Variants in SLC25A26 observed in about 807,000 individuals in gnomAD.
SLC25A26 encodes solute carrier family 25 member 26.
SLC25A26 carries 36 observed loss-of-function variants against 37.8 expected under a neutral mutation model. The ratio of observed to expected loss-of-function variants is 0.95; its 90% CI spans 0.73 to 1.26. The LOEUF (loss-of-function observed/expected upper bound fraction) is 1.26. Among genes scored for constraint, SLC25A26 ranks in the 50% most tolerant of loss-of-function variants. The pLI is 0.00. For synonymous variants in SLC25A26, 129 were observed against 122.5 expected (o/e 1.05, Z -0.35); for missense variants, 390 against 331.1 (o/e 1.18, Z -1.38).
chr3:66,193,275 C>A (rs923011505), intron 1 of SLC25A26, among the ~76,000 whole-genome samples: 13 of 151,998 alleles, frequency 8.6e-5, no homozygotes, highest in Admixed American at 1.3e-4. Flanking sequence ...AAATAATATA[C>A]CAAAAGAATA....
intron 9 of SLC25A26, among the ~76,000 whole-genome samples, chr3:66,374,001 C>A (rs1049030942): frequency 6.7e-6 from 1 of 150,130 alleles, no homozygotes; most frequent in African/African-American, 2.5e-5. Flanking sequence ...GCTTGCTTGT[C>A]ATGGAGGCTT....
At chr3:66,209,792 T>TAC (rs1164093754) in intron 1 of SLC25A26, among the ~76,000 whole-genome samples, 1 of 134,618 alleles carries the variant, frequency 7.4e-6, no homozygotes, top group Non-Finnish European at 1.6e-5. Flanking sequence ...TATATATATA[T>TAC]ACACACCTAT....
chr3:66,159,005 A>T (rs751444548), intron 1 of SLC25A26, among the ~76,000 whole-genome samples: 1 of 152,170 alleles, frequency 6.6e-6, no homozygotes, highest in Non-Finnish European at 1.5e-5. Context: ...CAGGGACAGC[A>T]TTGCCACATG....
rs565749867 is a variant in SLC25A26 at position 66,346,526 on chromosome 3, A to C, written c.498+118A>C. On this transcript the variant is annotated intron_variant, in intron 6 of 9. Transcript: ENST00000354883. The stretch of plus-strand genomic sequence containing the variant: ...AGTTCAGCAACTCAAACCTATTAGC[A>C]GTTGAAAATATATTTTATGTGTGAT... 1.4e-5 allele frequency: 7 copies of C among 494,574 alleles called. No individual in the cohort carries two copies. The Admixed American group carries it at 3.0e-4, about 21-fold the overall frequency. 30.6% of individuals were successfully genotyped at this position (494,574 alleles called of 1,614,324 possible). A position where few individuals can be genotyped will look rare whatever the true frequency, so the allele number is the denominator to read the frequency against.
chr3:66,209,028 C>A (rs1267057509), intron 1 of SLC25A26, among the ~76,000 whole-genome samples: 138 of 26,556 alleles, frequency 5.2e-3, no homozygotes, highest in African/African-American at 6.3e-3. Flanking sequence ...ATATACACAC[C>A]CATATAAAGG....
intron 5 of SLC25A26, among the ~76,000 whole-genome samples, chr3:66,318,690 G>A (rs573895716): frequency 1.9e-4 from 29 of 151,374 alleles, no homozygotes; most frequent in Middle Eastern, 3.4e-3. Context: ...AGACAGGCTC[G>A]GAGACTCTGT....
intron 7 of SLC25A26, among the ~76,000 whole-genome samples, chr3:66,365,510 G>C (rs1232322883): frequency 6.6e-6 from 1 of 152,146 alleles, no homozygotes; most frequent in Non-Finnish European, 1.5e-5. Context: ...TGCAGCCTAA[G>C]TAATTATGAC....
intron 6 of SLC25A26, among the ~76,000 whole-genome samples, chr3:66,352,076 C>G (rs1200487523): frequency 6.6e-6 from 1 of 151,898 alleles, no homozygotes. Flanking sequence ...TAGACTCCAT[C>G]TCTACAAAAA....
chr3:66,370,303 G>A (rs1265741775), intron 8 of SLC25A26, among the ~76,000 whole-genome samples: 2 of 152,210 alleles, frequency 1.3e-5, no homozygotes, highest in African/African-American at 4.8e-5. Flanking sequence ...GCTCTGATAA[G>A]CAGCCACCTG....
chr3:66,161,752 G>C (rs1298205475), intron 1 of SLC25A26, among the ~76,000 whole-genome samples: 1 of 152,118 alleles, frequency 6.6e-6, no homozygotes, highest in Non-Finnish European at 1.5e-5. Context: ...TGATATCCCA[G>C]GTATTCAGGT....
In SLC25A26 at chr3:66,374,565, G is replaced by T. The variant is rs181162038; in HGVS notation, c.708-3125G>T. 2.0e-5 allele frequency among the ~76,000 whole-genome samples: 3 copies of T among 152,272 alleles called. No homozygotes were observed. In the East Asian group the frequency reaches 5.8e-4, roughly 29 times the overall value. Reference sequence around the variant, plus strand: ...TGGCCTCTAAGTGTTGAAGTGAAAGGAAGAATCACACCTTTCTCATTTTAA... The same window carrying T: ...TGGCCTCTAAGTGTTGAAGTGAAAGTAAGAATCACACCTTTCTCATTTTAA... On this transcript the variant is annotated intron_variant, in intron 9 of 9. Coordinates refer to ENST00000354883, the MANE Select transcript of SLC25A26 (RefSeq NM_001379210.1).
intron 5 of SLC25A26, among the ~76,000 whole-genome samples, chr3:66,342,421 G>A (rs1412733594): frequency 1.3e-5 from 2 of 151,966 alleles, no homozygotes; most frequent in African/African-American, 2.4e-5. Flanking sequence ...AAATATATTG[G>A]TATTGTAATG....
chr3:66,228,559 T>A (rs1214223374), intron 1 of SLC25A26, among the ~76,000 whole-genome samples: 1 of 152,220 alleles, frequency 6.6e-6, no homozygotes, highest in East Asian at 1.9e-4. Context: ...CAGATACATT[T>A]GTTGGCCTTT....
At chr3:66,310,026 G>A (rs984711580) in intron 5 of SLC25A26, among the ~76,000 whole-genome samples, 1 of 152,192 alleles carries the variant, frequency 6.6e-6, no homozygotes, top group South Asian at 2.1e-4. Context: ...CCCTCGGTCC[G>A]GAGCTGAGTC....
intron 5 of SLC25A26, among the ~76,000 whole-genome samples, chr3:66,295,856 C>T (rs1245891776): frequency 1.3e-5 from 2 of 151,870 alleles, no homozygotes; most frequent in African/African-American, 2.4e-5. Context: ...CACGGTGGCT[C>T]ACGCCTGTAA....
intron 5 of SLC25A26, among the ~76,000 whole-genome samples, chr3:66,270,506 T>C (rs2073921365): frequency 6.6e-6 from 1 of 152,210 alleles, no homozygotes; most frequent in South Asian, 2.1e-4. Flanking sequence ...AAGTTGTCCA[T>C]TGTTTTATTA....
chr3:66,230,114 T>C (rs1030990658), intron 1 of SLC25A26, among the ~76,000 whole-genome samples: 12 of 152,240 alleles, frequency 7.9e-5, no homozygotes, highest in Non-Finnish European at 1.5e-4. Context: ...CAAAGTGTTA[T>C]CTCATCATCC....
chr3:66,295,242 G>C (rs1380954168), intron 5 of SLC25A26, among the ~76,000 whole-genome samples: 2 of 150,144 alleles, frequency 1.3e-5, no homozygotes, highest in African/African-American at 5.0e-5. Flanking sequence ...TGTTTTTTTT[G>C]AGACGGAGTC....
At chr3:66,244,083 A>G (rs2072713981) in intron 3 of SLC25A26, among the ~76,000 whole-genome samples, 1 of 152,134 alleles carries the variant, frequency 6.6e-6, no homozygotes, top group South Asian at 2.1e-4. Context: ...GCCCTATACA[A>G]ACTGCTTAAT....
Sources: gnomAD v4.1 joint callset for allele counts (sites outside exome capture counted in the v4.1 genomes callset) on GRCh38, gnomAD v4.1.1 for gene constraint, MANE v1.5 for transcripts, NCBI Gene and HGNC (gene_info 2026-07-23, HGNC 2026-07-21) for gene names.